The following MKLN1 variants were observed in gnomAD, a reference collection of about 807,000 sequenced individuals.
MKLN1 encodes muskelin 1.
In MKLN1, 18 loss-of-function variants were observed where a neutral mutation model predicts 99.0. That is an observed-to-expected ratio of 0.18 (90% CI 0.13 to 0.27). The LOEUF (loss-of-function observed/expected upper bound fraction) is 0.27. MKLN1 is among the 10% of genes least tolerant of loss of function. The pLI is 1.00. For missense variants in MKLN1, 621 were observed against 875.9 expected, an observed-to-expected ratio of 0.71 and a Z score of 3.67; for synonymous variants, 288 against 293.2, an observed-to-expected ratio of 0.98 and a Z score of 0.18.
At chr7:131,448,717 A>C (rs1314336298) in intron 12 of MKLN1, among the ~76,000 whole-genome samples, 5 of 152,178 alleles carry the variant, frequency 3.3e-5, no homozygotes, top group Non-Finnish European at 1.5e-5. Context: ...TTGTTTGATT[A>C]CTGCTATAAT....
intron 9 of MKLN1, among the ~76,000 whole-genome samples, chr7:131,434,005 T>C (rs1479607247): frequency 6.6e-6 from 1 of 151,216 alleles, no homozygotes; most frequent in Non-Finnish European, 1.5e-5. Flanking sequence ...TACCTCAGCC[T>C]CCCGAGTAGC....
At chr7:131,343,852 A>G (rs1799479453) in intron 1 of MKLN1, among the ~76,000 whole-genome samples, 1 of 152,172 alleles carries the variant, frequency 6.6e-6, no homozygotes, top group South Asian at 2.1e-4. Flanking sequence ...GCAGATATCT[A>G]ATGCTGTTGA....
chr7:131,256,776 A>G (rs922468205), intron 3 of MKLN1, among the ~76,000 whole-genome samples: 1 of 152,210 alleles, frequency 6.6e-6, no homozygotes, highest in Admixed American at 6.5e-5. Context: ...AAATATGGAA[A>G]TAATAGACAC....
chr7:131,397,984 A>C (rs765157966), intron 5 of MKLN1, among the ~76,000 whole-genome samples: 3 of 152,194 alleles, frequency 2.0e-5, no homozygotes, highest in Non-Finnish European at 4.4e-5. Context: ...TTAAGTTGTT[A>C]ATTAATTATA....
chr7:131,128,680 C>T (rs1795501230), intron 1 of MKLN1, among the ~76,000 whole-genome samples: 1 of 152,098 alleles, frequency 6.6e-6, no homozygotes, highest in Non-Finnish European at 1.5e-5. Context: ...TGCAGTTGCA[C>T]ATTCATAGCT....
chr7:131,226,695 AGAATG>A (rs1439471769), intron 3 of MKLN1, among the ~76,000 whole-genome samples: 3 of 152,190 alleles, frequency 2.0e-5, no homozygotes, highest in Non-Finnish European at 4.4e-5. Flanking sequence ...GTGAGTCATG[AGAATG>A]GGACTATTCC....
intron 2 of MKLN1, among the ~76,000 whole-genome samples, chr7:131,181,578 G>A (rs950706393): frequency 7.3e-5 from 11 of 151,322 alleles, no homozygotes; most frequent in East Asian, 3.9e-4. Flanking sequence ...ACTTGGTGGC[G>A]CACACATTTA....
At chr7:131,485,342 CTCT>C (rs1797242451) in intron 17 of MKLN1, among the ~76,000 whole-genome samples, 1 of 152,010 alleles carries the variant, frequency 6.6e-6, no homozygotes, top group Non-Finnish European at 1.5e-5. Flanking sequence ...GAAGAAACAG[CTCT>C]TCTTTACAAT....
chr7:131,341,796 A>G (rs1351695167), intron 1 of MKLN1, among the ~76,000 whole-genome samples: 1 of 152,254 alleles, frequency 6.6e-6, no homozygotes, highest in Non-Finnish European at 1.5e-5. Flanking sequence ...TTGCATGTGC[A>G]GTTCATAGTA....
At chr7:131,398,429 C>G (rs1794424774) in intron 5 of MKLN1, among the ~76,000 whole-genome samples, 1 of 152,088 alleles carries the variant, frequency 6.6e-6, no homozygotes. Context: ...CGCAGTGGCT[C>G]ACACCTGTAA....
chr7:131,183,165 T>C (rs914217745), intron 2 of MKLN1, among the ~76,000 whole-genome samples: 2 of 152,230 alleles, frequency 1.3e-5, no homozygotes, highest in African/African-American at 4.8e-5. Context: ...ATCAGATATT[T>C]ACTAAGTGCC....
chr7:131,132,365 TAA>T (rs1161915285), intron 1 of MKLN1, among the ~76,000 whole-genome samples: 1 of 152,188 alleles, frequency 6.6e-6, no homozygotes, highest in African/African-American at 2.4e-5. Flanking sequence ...TGCCACATTT[TAA>T]AAGGGACTTT....
At chr7:131,478,703 A>G in intron 17 of MKLN1, 26 bp downstream of exon 17, 1 of 1,607,552 alleles carries the variant, frequency 6.2e-7, no homozygotes, top group Non-Finnish European at 8.5e-7. Context: ...TAATTTATCC[A>G]GCTAGATGCC....
chr7:131,209,564 G>T (rs1796869590), intron 3 of MKLN1, among the ~76,000 whole-genome samples: 1 of 152,190 alleles, frequency 6.6e-6, no homozygotes, highest in Admixed American at 6.5e-5. Context: ...ATGCCATTTA[G>T]TGAGACAGGT....
chr7:131,476,869 G>A (rs1330310383), intron 16 of MKLN1, among the ~76,000 whole-genome samples: 2 of 152,206 alleles, frequency 1.3e-5, no homozygotes, highest in African/African-American at 2.4e-5. Context: ...AGACAGTGTG[G>A]TACTGGCTTA....
chr7:131,462,813 T>A (rs1340004554), intron 12 of MKLN1, among the ~76,000 whole-genome samples: 3 of 152,120 alleles, frequency 2.0e-5, no homozygotes. Context: ...AATAAAGGTG[T>A]ATTGATCTTT....
intron 8 of MKLN1, among the ~76,000 whole-genome samples, chr7:131,420,377 G>T (rs906797106): frequency 6.6e-6 from 1 of 152,054 alleles, no homozygotes; most frequent in African/African-American, 2.4e-5. Flanking sequence ...TGATGAACTG[G>T]ATGAGAAGTG....
In MKLN1 at chr7:131,445,782, T is replaced by G; in HGVS notation, c.1404T>G (p.Arg468=). 1 of 1,590,130 alleles carries G rather than the reference T, an allele frequency of 6.3e-7. No individual in the cohort carries two copies. Among genetic ancestry groups the G allele is most frequent in the Non-Finnish European group, 8.5e-7 (1 of 1,170,800 alleles). The part of the protein sequence containing the change: ...GHCMLFHSKN[R]CLYVFGGQRS... ...TTTTTCTTCTTTTTCAGAAAAATCG[T>G]TGCTTATATGTATTTGGTGGCCAGC... The change falls in exon 12 of 18, where the codon CGT becomes CGG. Residue 468 remains arginine, a synonymous_variant. Transcript: ENST00000352689.
intron 2 of MKLN1, among the ~76,000 whole-genome samples, chr7:131,165,836 T>C (rs1796115094): frequency 6.6e-6 from 1 of 152,116 alleles, no homozygotes; most frequent in Non-Finnish European, 1.5e-5. Flanking sequence ...GTTATGGGGC[T>C]AGGCACGGTA....
Sources: allele counts gnomAD v4.1 joint callset (sites outside exome capture counted in the v4.1 genomes callset), GRCh38; gene constraint gnomAD v4.1.1; transcripts MANE v1.5; gene names NCBI Gene and HGNC (gene_info 2026-07-23, HGNC 2026-07-21).